SREBF2: variants seen among roughly 807,000 people sequenced by gnomAD.
SREBF2 encodes sterol regulatory element-binding protein 2.
Under a neutral mutation model 113.1 loss-of-function variants are expected in SREBF2, and 55 were observed. The ratio of observed to expected loss-of-function variants is 0.49; its 90% CI spans 0.39 to 0.61. The LOEUF (loss-of-function observed/expected upper bound fraction) is 0.61. Ranked by LOEUF, SREBF2 falls within the 20% of genes least tolerant of loss-of-function variation. The pLI, the probability that SREBF2 is intolerant of heterozygous loss-of-function variation, is 0.00. For missense variants in SREBF2, 1,349 were observed against 1,487.4 expected, an observed-to-expected ratio of 0.91 and a Z score of 1.53; for synonymous variants, 593 against 605.7, an observed-to-expected ratio of 0.98 and a Z score of 0.31.
chr22:41,865,392 A>G (rs1270258250), intron 1 of SREBF2, among the ~76,000 whole-genome samples: 4 of 152,166 alleles, frequency 2.6e-5, no homozygotes, highest in African/African-American at 9.7e-5. Flanking sequence ...AATATGGACA[A>G]TGTAGAGAAT....
chr22:41,833,594 G>T lies in SREBF2; in HGVS notation c.88+236G>T, dbSNP rs74989719. ...GGGGCGCCGCGGGGCCGAAAGCGGC[G>T]CGAGGGTCGCGGGTTCCAGAGCGCG... On this transcript the variant is annotated intron_variant, in intron 1 of 18. Transcript: ENST00000361204. This position sits in a 1 kb window ranked among gnomAD's most constrained non-coding sequence, Gnocchi z 4.1. 2,984 of 417,324 alleles carry T rather than the reference G, an allele frequency of 7.2e-3. 82 individuals are homozygous for T. Among genetic ancestry groups the T allele is most frequent in the African/African-American group, 0.055 (2,647 of 47,734 alleles). The allele number at this position is 417,324 out of a possible 1,614,324, so 25.9% of individuals were successfully genotyped here. A position where few individuals can be genotyped will look rare whatever the true frequency, so the allele number is the denominator to read the frequency against.
Position 41,833,460 on chromosome 22 carries a change from C to G in SREBF2, c.88+102C>G. On this transcript the variant is annotated intron_variant, in intron 1 of 18. Transcript: ENST00000361204. This position sits in a 1 kb window ranked among gnomAD's most constrained non-coding sequence, Gnocchi z 4.1. ...CGCCCACCCCCCGACAGCCCCGGTT[C>G]GCGCGGGAAGAACCCCGTGCGCACG... The G allele has an allele frequency of 1.9e-6, 2 of 1,060,554 alleles. No homozygotes were observed. Among genetic ancestry groups the G allele is most frequent in the Non-Finnish European group, 2.7e-6 (2 of 742,526 alleles). The allele number at this position is 1,060,554 out of a possible 1,614,324, so 65.7% of individuals were successfully genotyped here.
chr22:41,844,025 A>T (rs2076853569), intron 1 of SREBF2, among the ~76,000 whole-genome samples: 1 of 58,418 alleles, frequency 1.7e-5, no homozygotes, highest in African/African-American at 5.7e-5. Flanking sequence ...CAAAAAAAAA[A>T]AAATACATAC....
intron 3 of SREBF2, among the ~76,000 whole-genome samples, chr22:41,869,128 G>A (rs1284845422): frequency 1.3e-5 from 2 of 152,026 alleles, no homozygotes; most frequent in South Asian, 2.1e-4. Context: ...GTTTTGAGAC[G>A]GAGTCTCATT....
At chr22:41,860,990 G>A (rs1257722342) in intron 1 of SREBF2, among the ~76,000 whole-genome samples, 3 of 152,172 alleles carry the variant, frequency 2.0e-5, no homozygotes, top group East Asian at 1.9e-4. Flanking sequence ...GAATGATACC[G>A]TGGGACTCTG....
rs2038150920 is a variant in SREBF2 at position 41,894,801 on chromosome 22, T to A, written c.2378-19T>A. On this transcript the variant is annotated intron_variant, in intron 12 of 18. Coordinates refer to ENST00000361204, the MANE Select transcript of SREBF2 (RefSeq NM_004599.4). ...ATAAATGAGCTCCATTTAACCCCCC[T>A]TGCCTGTCTCTTTTCCAGCTGACCC... 1 of 1,610,444 alleles carries A rather than the reference T, an allele frequency of 6.2e-7. No individual in the cohort carries two copies. Among genetic ancestry groups the A allele is most frequent in the African/African-American group, 1.3e-5 (1 of 74,866 alleles).
intron 11 of SREBF2, among the ~76,000 whole-genome samples, chr22:41,885,241 A>G (rs368450632): frequency 3.9e-5 from 6 of 152,300 alleles, no homozygotes; most frequent in African/African-American, 9.6e-5. Flanking sequence ...TAGGCAGGAC[A>G]TTTTGGTCCC....
intron 1 of SREBF2, among the ~76,000 whole-genome samples, chr22:41,836,479 G>A (rs541399412): frequency 5.3e-5 from 8 of 152,224 alleles, no homozygotes; most frequent in African/African-American, 1.9e-4. Flanking sequence ...AGGACAAAAA[G>A]AGTTGGGCAT....
At position 41,880,998 on chromosome 22, in the gene SREBF2, G is replaced by C. The variant is rs1210223499; in HGVS notation, c.2038+6G>C. On this transcript the variant is annotated splice_donor_region_variant and intron_variant, in intron 10 of 18. Coordinates refer to ENST00000361204, the MANE Select transcript of SREBF2 (RefSeq NM_004599.4). ...GCACCAGCTGCACATCACAGGTGAG[G>C]GGGCAGCTGCTGCTGCCTGGCTTGC... is the stretch of plus-strand genomic sequence containing the variant. 1 of 1,604,860 alleles carries C rather than the reference G, an allele frequency of 6.2e-7. No individual in the cohort carries two copies. Among genetic ancestry groups the C allele is most frequent in the Non-Finnish European group, 8.5e-7 (1 of 1,179,718 alleles).
chr22:41,837,333 G>A (rs1276785475), intron 1 of SREBF2, among the ~76,000 whole-genome samples: 2 of 151,870 alleles, frequency 1.3e-5, no homozygotes, highest in Admixed American at 6.6e-5. Context: ...CGAGGTGGGC[G>A]GATCACCTGA....
At chr22:41,894,964 C>T (rs1207338594) in intron 13 of SREBF2, 27 bp downstream of exon 13, 3 of 1,589,950 alleles carry the variant, frequency 1.9e-6, no homozygotes, top group Non-Finnish European at 2.6e-6. Context: ...AGTCCCCCTG[C>T]CTTAGGACCT....
chr22:41,847,619 G>T (rs540623075), intron 1 of SREBF2, among the ~76,000 whole-genome samples: 1 of 152,310 alleles, frequency 6.6e-6, no homozygotes, highest in South Asian at 2.1e-4. Context: ...GTAGCTAAGA[G>T]CTTGACTTTA....
At position 41,900,463 on chromosome 22, in the gene SREBF2, G is replaced by A. The variant is rs370413839; in HGVS notation, c.2872G>A (p.Val958Ile). The A allele has an allele frequency of 1.0e-4, 166 of 1,613,708 alleles. No individual in the cohort carries two copies. The highest frequency in any genetic ancestry group is 9.9e-5 in the Non-Finnish European group (117 of 1,180,034). The change falls in exon 16 of 19, where the codon GTC (valine) becomes ATC (isoleucine). Residue 958 changes from valine (V) to isoleucine (I), a missense_variant. By Grantham distance (29) the Val-to-Ile change is conservative. Coordinates refer to ENST00000361204, the MANE Select transcript of SREBF2 (RefSeq NM_004599.4). ...ASGHLWSSLN[V>I]SGATSDPALN... ...TGGCCACCTATGGAGCAGCCTCAAC[G>A]TCAGTGGGGCCACCTCTGACCCTGC... is the stretch of plus-strand genomic sequence containing the variant.
intron 1 of SREBF2, among the ~76,000 whole-genome samples, chr22:41,842,846 C>T (rs1360324339): frequency 3.3e-5 from 5 of 152,072 alleles, no homozygotes; most frequent in Admixed American, 2.6e-4. Flanking sequence ...AAAAATTAGC[C>T]GGGCGTGGTG....
intron 17 of SREBF2, 136 bp downstream of exon 17, chr22:41,903,291 T>G (rs2077480534): frequency 9.2e-7 from 1 of 1,088,920 alleles, no homozygotes; most frequent in Non-Finnish European, 1.3e-6. Flanking sequence ...GAGCACCTGC[T>G]TGGCTCGTGC....
In SREBF2 at chr22:41,881,099, G is replaced by A. The variant is rs546455484; in HGVS notation, c.2038+107G>A. The A allele has an allele frequency of 1.5e-5, 21 of 1,442,084 alleles. No individual in the cohort carries two copies. In the South Asian group the frequency reaches 1.5e-4, roughly 10 times the overall value. 89.3% of individuals were successfully genotyped at this position (1,442,084 alleles called of 1,614,324 possible). A position where few individuals can be genotyped will look rare whatever the true frequency, so the allele number is the denominator to read the frequency against. On this transcript the variant is annotated intron_variant, in intron 10 of 18. Coordinates refer to ENST00000361204, the MANE Select transcript of SREBF2 (RefSeq NM_004599.4). Reference sequence around the variant, plus strand: ...GCACCCTAGCTGAAGTCCCTTTAACGCTACTCTTTTAGAGTGGCTAGACCA... The same window carrying A: ...GCACCCTAGCTGAAGTCCCTTTAACACTACTCTTTTAGAGTGGCTAGACCA...
chr22:41,890,882 T>C (rs1317186276), intron 11 of SREBF2, among the ~76,000 whole-genome samples: 9 of 151,596 alleles, frequency 5.9e-5, no homozygotes, highest in Admixed American at 2.0e-4. Flanking sequence ...CACTCCAGCC[T>C]GGGTGACAGA....
At chr22:41,847,731 T>C (rs2076890323) in intron 1 of SREBF2, among the ~76,000 whole-genome samples, 1 of 152,222 alleles carries the variant, frequency 6.6e-6, no homozygotes, top group Admixed American at 6.5e-5. Flanking sequence ...GATAATGGCA[T>C]CTACCTCAAA....
At position 41,881,000 on chromosome 22, in the gene SREBF2, G is replaced by A. The variant is rs1490910404; in HGVS notation, c.2038+8G>A. The A allele has an allele frequency of 6.2e-7, 1 of 1,604,144 alleles. No homozygotes were observed. Among genetic ancestry groups the A allele is most frequent in the Non-Finnish European group, 8.5e-7 (1 of 1,179,650 alleles). ...ACCAGCTGCACATCACAGGTGAGGG[G>A]GCAGCTGCTGCTGCCTGGCTTGCTG... On this transcript the variant is annotated splice_region_variant and intron_variant, in intron 10 of 18. Coordinates refer to ENST00000361204, the MANE Select transcript of SREBF2 (RefSeq NM_004599.4).
Sources: allele counts gnomAD v4.1 joint callset (sites outside exome capture counted in the v4.1 genomes callset), GRCh38; gene constraint gnomAD v4.1.1; non-coding constraint Gnocchi (gnomAD v3.1); transcripts MANE v1.5; gene names NCBI Gene and HGNC (gene_info 2026-07-23, HGNC 2026-07-21).